RFC3: variants seen among roughly 807,000 people sequenced by gnomAD.
The protein encoded by RFC3 is A1 38 kDa subunit.
RFC3 carries 41 observed loss-of-function variants against 45.1 expected under a neutral mutation model. That is an observed-to-expected ratio of 0.91 (90% confidence interval 0.71 to 1.18). The LOEUF (loss-of-function observed/expected upper bound fraction) is 1.18. RFC3 is among the 50% of genes most tolerant of loss of function. The pLI is 0.00. For synonymous variants in RFC3, 149 were observed against 144.0 expected, an observed-to-expected ratio of 1.03 and a Z score of -0.25; for missense variants, 423 against 428.1, an observed-to-expected ratio of 0.99 and a Z score of 0.10.
chr13:33,917,543 C>T (rs2082740851), intron 8 of RFC3, among the ~76,000 whole-genome samples: 1 of 152,090 alleles, frequency 6.6e-6, no homozygotes, highest in Non-Finnish European at 1.5e-5. Context: ...TCCTTAGTTG[C>T]TCTCTGTAGG....
chr13:33,965,792 A>G (rs921486358), intron 8 of RFC3, among the ~76,000 whole-genome samples: 1 of 152,110 alleles, frequency 6.6e-6, no homozygotes, highest in Non-Finnish European at 1.5e-5. Flanking sequence ...GAAATACCCT[A>G]GAGTCTGTTT....
At chr13:33,903,371 G>A (rs1477273533) in intron 8 of RFC3, among the ~76,000 whole-genome samples, 1 of 152,022 alleles carries the variant, frequency 6.6e-6, no homozygotes, top group African/African-American at 2.4e-5. Context: ...GAAACAGTAG[G>A]TGTAAAAAAA....
At chr13:33,939,458 A>G (rs1457566765) in intron 8 of RFC3, among the ~76,000 whole-genome samples, 1 of 152,178 alleles carries the variant, frequency 6.6e-6, no homozygotes, top group African/African-American at 2.4e-5. Flanking sequence ...CCAAGAGGGT[A>G]AGGAGGCTCT....
intron 1 of RFC3, among the ~76,000 whole-genome samples, chr13:33,818,881 GTTTTT>G (rs72236854): frequency 8.9e-6 from 1 of 112,040 alleles, no homozygotes. Flanking sequence ...CCTGAGATTA[GTTTTT>G]TTTTTTTTTT....
At chr13:33,934,661 C>G (rs1320001108) in intron 8 of RFC3, among the ~76,000 whole-genome samples, 1 of 152,128 alleles carries the variant, frequency 6.6e-6, no homozygotes, top group Non-Finnish European at 1.5e-5. Context: ...GACTCGGCAG[C>G]CACCAGTCTT....
rs1306515991 is a variant in RFC3 at position 33,835,198 on chromosome 13, C to T, written c.860C>T (p.Pro287Leu). The T allele has an allele frequency of 6.2e-7, 1 of 1,608,854 alleles. No individual in the cohort carries two copies. The highest frequency in any genetic ancestry group is 1.1e-5 in the South Asian group (1 of 90,932). The stretch of plus-strand genomic sequence containing the variant: ...TATGAGCTTCTAACTCATTGTATTC[C>T]TCCTGAGATAATAATGAAGGTAACC... ...RLYELLTHCI[P>L]PEIIMKGLLS... Residue 287 changes from proline (P) to leucine (L), a missense_variant, in exon 8 of 9, where the codon CCT (proline) becomes CTT (leucine). Coordinates refer to ENST00000380071, the MANE Select transcript of RFC3 (RefSeq NM_002915.4).
chr13:33,910,751 A>G (rs1286772526), intron 8 of RFC3, among the ~76,000 whole-genome samples: 7 of 152,222 alleles, frequency 4.6e-5, no homozygotes, highest in East Asian at 1.9e-4. Flanking sequence ...TTTATAAAGA[A>G]AAAAGGTATA....
In RFC3 at chr13:33,855,306, AT is replaced by A. The variant is rs536094492; in HGVS notation, c.879+20097del. Among the ~76,000 whole-genome samples the A allele has an allele frequency of 1.2e-3, 188 of 152,020 alleles. 1 individual carries two copies. The highest frequency in any genetic ancestry group is 3.4e-3 in the African/African-American group (143 of 41,476). On this transcript the variant is annotated intron_variant, in intron 8 of 8. Coordinates refer to the RFC3 transcript ENST00000434425. ...GCAAGCACACAGGAAACATAGATGG[AT>A]TTTTTTTCCCACAAAAATGGAAATG...
intron 8 of RFC3, among the ~76,000 whole-genome samples, chr13:33,909,808 A>G (rs2082693499): frequency 6.6e-6 from 1 of 152,066 alleles, no homozygotes; most frequent in South Asian, 2.1e-4. Context: ...GACACTTGAC[A>G]TCTCGTAGGA....
chr13:33,923,960 G>A (rs928067022), intron 8 of RFC3, among the ~76,000 whole-genome samples: 2 of 152,138 alleles, frequency 1.3e-5, no homozygotes, highest in African/African-American at 4.8e-5. Context: ...CTGAAGGCTT[G>A]ATGGAAGCTG....
chr13:33,882,865 C>T (rs1278503459), intron 8 of RFC3, among the ~76,000 whole-genome samples: 1 of 152,180 alleles, frequency 6.6e-6, no homozygotes, highest in Non-Finnish European at 1.5e-5. Flanking sequence ...TGGGATCATA[C>T]AGGATATATT....
chr13:33,975,334 G>T, the RFC3 span, among the ~76,000 whole-genome samples: 5 of 152,196 alleles, frequency 3.3e-5, no homozygotes, highest in African/African-American at 1.2e-4. Flanking sequence ...TATGGAAGAG[G>T]CAGAACTATG....
rs1480157909 is a variant in RFC3 at position 33,837,216 on chromosome 13, T to G, written c.*921T>G. ...CCAAAAAGTTCCCTCCATATCCCTT[T>G]GCAGTCAGTTCATCCCTACCCTGGC... On this transcript the variant is annotated 3_prime_UTR_variant, in exon 9 of 9. Transcript: ENST00000380071. The G allele has an allele frequency of 5.4e-6, 1 of 183,854 alleles. No homozygotes were observed. The highest frequency in any genetic ancestry group is 1.0e-5 in the Non-Finnish European group (1 of 97,204). The allele number at this position is 183,854 out of a possible 1,614,324, so 11.4% of individuals were successfully genotyped here.
intron 1 of RFC3, among the ~76,000 whole-genome samples, chr13:33,818,953 C>T (rs570898315): frequency 1.4e-5 from 2 of 141,282 alleles, no homozygotes; most frequent in African/African-American, 2.7e-5. Context: ...TGCAATGGCG[C>T]GGTCTCGGCT....
chr13:33,861,620 A>T (rs1593646261), intron 8 of RFC3, among the ~76,000 whole-genome samples: 1 of 150,610 alleles, frequency 6.6e-6, no homozygotes, highest in Admixed American at 6.6e-5. Context: ...GTTCCAGCCT[A>T]GGCAACAAGA....
rs1413168009 is a variant in RFC3 at position 33,887,478 on chromosome 13, T to G, written c.879+52261T>G. Among the ~76,000 whole-genome samples, 910 of 151,606 alleles carry G rather than the reference T, an allele frequency of 6.0e-3. 7 individuals are homozygous for G. The highest frequency in any genetic ancestry group is 0.021 in the African/African-American group (852 of 41,012). On this transcript the variant is annotated intron_variant, in intron 8 of 8. Transcript: ENST00000434425. ...ATGTCCTTTGCCCACTTTTTGATGG[T>G]GTTGTTTGGTTTTTTCTTGTAAATT...
intron 8 of RFC3, among the ~76,000 whole-genome samples, chr13:33,917,518 C>T (rs1045114534): frequency 2.0e-5 from 3 of 152,110 alleles, no homozygotes; most frequent in Non-Finnish European, 2.9e-5. Flanking sequence ...ATGCTGCCAG[C>T]AGTGCCATTT....
At chr13:33,830,612 A>C (rs1183312906) in intron 5 of RFC3, 107 bp from the exon 6 acceptor site, 5 of 798,444 alleles carry the variant, frequency 6.3e-6, no homozygotes, top group Non-Finnish European at 7.4e-6. Context: ...TTCACTTATA[A>C]GAATTTTGAG....
At chr13:33,842,942 G>A (rs2082210194) in intron 8 of RFC3, among the ~76,000 whole-genome samples, 1 of 152,078 alleles carries the variant, frequency 6.6e-6, no homozygotes, top group Non-Finnish European at 1.5e-5. Context: ...TTGTAGTTGT[G>A]CAGTATACAT....
Sources: allele counts gnomAD v4.1 joint callset (sites outside exome capture counted in the v4.1 genomes callset), GRCh38; gene constraint gnomAD v4.1.1; transcripts MANE v1.5; gene names NCBI Gene and HGNC (gene_info 2026-07-23, HGNC 2026-07-21).